The following GRM7 variants were observed in gnomAD, a reference collection of about 807,000 sequenced individuals.
GRM7 encodes the protein glutamate metabotropic receptor 7.
Under a neutral mutation model 84.5 loss-of-function variants are expected in GRM7, and 35 were observed. The observed-to-expected ratio is 0.41, with a 90% CI of 0.32 to 0.55. The LOEUF is 0.55. Among genes scored for constraint, GRM7 ranks in the 20% least tolerant of loss-of-function variants. GRM7 has a pLI of 0.19. For missense variants in GRM7, 1,003 were observed against 1,194.6 expected, an observed-to-expected ratio of 0.84 and a Z score of 2.36; for synonymous variants, 487 against 455.1, an observed-to-expected ratio of 1.07 and a Z score of -0.89.
intron 8 of GRM7, among the ~76,000 whole-genome samples, chr3:7,668,255 G>A (rs1699781132): frequency 6.6e-6 from 1 of 152,148 alleles, no homozygotes; most frequent in Non-Finnish European, 1.5e-5. Context: ...TTGCCTTTCT[G>A]TTTTCTGTGA....
chr3:6,887,398 A>C (rs1304559798), intron 1 of GRM7, among the ~76,000 whole-genome samples: 1 of 150,938 alleles, frequency 6.6e-6, no homozygotes, highest in Non-Finnish European at 1.5e-5. Flanking sequence ...ACCCCACAAC[A>C]GTCCACAGAG....
chr3:7,068,818 C>T (rs1697760961), intron 1 of GRM7, among the ~76,000 whole-genome samples: 1 of 151,696 alleles, frequency 6.6e-6, no homozygotes, highest in Non-Finnish European at 1.5e-5. Context: ...TAAGCTGCCT[C>T]AAAAAAACCC....
intron 1 of GRM7, among the ~76,000 whole-genome samples, chr3:6,877,809 TCACACACACACACACACACACACA>T (rs3220585): frequency 1.7e-4 from 25 of 145,646 alleles, no homozygotes; most frequent in African/African-American, 5.6e-4. Context: ...TACACAGATA[TCACACACACACACACACACACACA>T]CACACACACA....
At chr3:7,282,128 T>C (rs1699274160) in intron 2 of GRM7, among the ~76,000 whole-genome samples, 2 of 152,250 alleles carry the variant, frequency 1.3e-5, no homozygotes, top group African/African-American at 4.8e-5. Flanking sequence ...CCTATGCACA[T>C]TACAATCTCA....
chr3:6,922,085 C>T (rs1026830504), intron 1 of GRM7, among the ~76,000 whole-genome samples: 2 of 152,150 alleles, frequency 1.3e-5, no homozygotes, highest in Admixed American at 6.5e-5. Context: ...AAGCATGTTC[C>T]GAGCACGCCT....
At chr3:7,057,851 A>G (rs1171469371) in intron 1 of GRM7, among the ~76,000 whole-genome samples, 6 of 151,918 alleles carry the variant, frequency 3.9e-5, no homozygotes, top group African/African-American at 1.4e-4. Flanking sequence ...GTTTATTTGC[A>G]AATTACAAAT....
intron 8 of GRM7, among the ~76,000 whole-genome samples, chr3:7,643,600 T>C (rs1254803339): frequency 1.3e-5 from 2 of 152,204 alleles, no homozygotes; most frequent in African/African-American, 2.4e-5. Flanking sequence ...AGGGACTCTA[T>C]CTTAAATCCT....
intron 1 of GRM7, among the ~76,000 whole-genome samples, chr3:7,092,346 G>GT (rs141967704): frequency 0.022 from 3,301 of 152,146 alleles, 215 homozygotes; most frequent in East Asian, 0.14. Flanking sequence ...TATCCATTAT[G>GT]TTAAGAGCAA....
chr3:7,410,578 A>C (rs1241653605), intron 4 of GRM7, among the ~76,000 whole-genome samples: 1 of 127,962 alleles, frequency 7.8e-6, no homozygotes, highest in Non-Finnish European at 1.6e-5. Context: ...TCTCAAAAAA[A>C]CAAAATATAT....
intron 2 of GRM7, among the ~76,000 whole-genome samples, chr3:7,262,911 T>C (rs1163567755): frequency 2.8e-5 from 4 of 143,304 alleles, no homozygotes; most frequent in Non-Finnish European, 6.0e-5. Flanking sequence ...TTGGCCAGAC[T>C]GGTCTTGAAC....
chr3:7,232,327 G>A (rs1175320900), intron 2 of GRM7, among the ~76,000 whole-genome samples: 1 of 152,056 alleles, frequency 6.6e-6, no homozygotes, highest in African/African-American at 2.4e-5. Context: ...ACAAAACATA[G>A]GTCAATGCTT....
At chr3:7,017,054 A>C (rs919092599) in intron 1 of GRM7, among the ~76,000 whole-genome samples, 2 of 152,240 alleles carry the variant, frequency 1.3e-5, no homozygotes, top group African/African-American at 4.8e-5. Context: ...CAGCTGCTTC[A>C]GAGGCACTTA....
At chr3:7,715,721 C>A (rs923208488) in intron 9 of GRM7, among the ~76,000 whole-genome samples, 1 of 152,140 alleles carries the variant, frequency 6.6e-6, no homozygotes, top group African/African-American at 2.4e-5. Context: ...GGGATTCAGA[C>A]CCCGCACACT....
chr3:7,497,086 A>G (rs1287144274), intron 7 of GRM7, among the ~76,000 whole-genome samples: 1 of 134,012 alleles, frequency 7.5e-6, no homozygotes, highest in African/African-American at 2.6e-5. Flanking sequence ...AGAGAAGGCC[A>G]TCAGGTTATT....
intron 4 of GRM7, among the ~76,000 whole-genome samples, chr3:7,410,656 C>CACACA (rs1553585549): frequency 3.5e-5 from 5 of 142,686 alleles, no homozygotes; most frequent in Admixed American, 2.1e-4. Context: ...ACCACCACCA[C>CACACA]CACACACACA....
chr3:7,341,939 C>T (rs1575191685), intron 4 of GRM7, among the ~76,000 whole-genome samples: 1 of 152,146 alleles, frequency 6.6e-6, no homozygotes, highest in Non-Finnish European at 1.5e-5. Context: ...CAAGGCTATA[C>T]CCATAGAATA....
intron 2 of GRM7, among the ~76,000 whole-genome samples, chr3:7,281,256 G>A (rs934857491): frequency 6.6e-6 from 1 of 152,064 alleles, no homozygotes; most frequent in Non-Finnish European, 1.5e-5. Context: ...TTTAAATATT[G>A]TATTTTATTC....
rs562862011 is a variant in GRM7 at position 7,086,506 on chromosome 3, T to C, written c.520-59946T>C. ...TTCTAGAAGGCAAAAGTGAAGAATG[T>C]ATGAAAAAGAAAAAATATTTCCAAA... On this transcript the variant is annotated intron_variant, in intron 1 of 9. Coordinates refer to ENST00000357716, the MANE Select transcript of GRM7 (RefSeq NM_000844.4). Among the ~76,000 whole-genome samples, 4 of 152,240 alleles carry C rather than the reference T, an allele frequency of 2.6e-5. No homozygotes were observed. The South Asian group carries it at 8.3e-4, about 32-fold the overall frequency.
chr3:7,636,005 T>C (rs1049917451), intron 8 of GRM7, among the ~76,000 whole-genome samples: 1 of 152,210 alleles, frequency 6.6e-6, no homozygotes, highest in African/African-American at 2.4e-5. Flanking sequence ...TAATTTACTT[T>C]GCTTCAAAAA....
Sources: allele counts gnomAD v4.1 joint callset (sites outside exome capture counted in the v4.1 genomes callset), GRCh38; gene constraint gnomAD v4.1.1; transcripts MANE v1.5; gene names NCBI Gene and HGNC (gene_info 2026-07-23, HGNC 2026-07-21).